The following UPF3A variants were observed in gnomAD, a reference collection of about 807,000 sequenced individuals.
The protein encoded by UPF3A is regulator of nonsense transcripts 3A.
Under a neutral mutation model 53.5 loss-of-function variants are expected in UPF3A, and 42 were observed. That is an observed-to-expected ratio of 0.78 (90% CI 0.61 to 1.01). The LOEUF is 1.01. Ranked by LOEUF, UPF3A falls within the 50% of genes least tolerant of loss-of-function variation. UPF3A has a pLI of 0.00. For missense variants in UPF3A, 575 were observed against 598.0 expected (o/e 0.96, Z 0.40); for synonymous variants, 237 against 225.3 (o/e 1.05, Z -0.47).
intron 7 of UPF3A, among the ~76,000 whole-genome samples, chr13:114,294,578 T>C (rs760213911): frequency 2.4e-4 from 36 of 152,206 alleles, no homozygotes; most frequent in Non-Finnish European, 4.9e-4. Context: ...AAGAGAAATA[T>C]GGTTTGGGAG....
chr13:114,293,751 A>C (rs1355899137), intron 7 of UPF3A, among the ~76,000 whole-genome samples: 1 of 152,198 alleles, frequency 6.6e-6, no homozygotes, highest in Non-Finnish European at 1.5e-5. Context: ...GGACTTGGGG[A>C]AAGAAGATAG....
chr13:114,301,759 A>C lies in UPF3A; in HGVS notation c.1036A>C (p.Arg346=), dbSNP rs767798245. The part of the protein sequence containing the change: ...TSHSGSDKEH[R]DVERSQEQES... ...ACACAGCGGCAGTGATAAAGAGCAC[A>C]GGGATGTGGAGAGATCTCAAGAACA... is the stretch of plus-strand genomic sequence containing the variant. The change falls in exon 9 of 10, where the codon AGG becomes CGG. Residue 346 remains arginine (R), a synonymous_variant. Transcript: ENST00000375299. 3.1e-6 allele frequency: 5 copies of C among 1,613,814 alleles called. No individual in the cohort carries two copies. The highest frequency in any genetic ancestry group is 4.2e-6 in the Non-Finnish European group (5 of 1,179,752).
chr13:114,298,451 A>C (rs972196892), intron 7 of UPF3A, among the ~76,000 whole-genome samples: 4 of 151,670 alleles, frequency 2.6e-5, no homozygotes, highest in African/African-American at 7.3e-5. Flanking sequence ...GAGGCAGGAG[A>C]ATCACTTGAA....
At chr13:114,290,395 T>C (rs1016955915) in intron 5 of UPF3A, among the ~76,000 whole-genome samples, 1 of 152,100 alleles carries the variant, frequency 6.6e-6, no homozygotes, top group African/African-American at 2.4e-5. Context: ...CCAGAGATGA[T>C]GTGTCAGTTT....
rs2084104110 is a variant in UPF3A at position 114,282,030 on chromosome 13, C to T, written c.217C>T (p.Arg73Cys). 3 of 1,557,594 alleles carry T rather than the reference C, an allele frequency of 1.9e-6. No homozygotes were observed. The highest frequency in any genetic ancestry group is 2.4e-5 in the East Asian group (1 of 41,600). The change falls in exon 2 of 10, where the codon CGC becomes TGC. Residue 73 changes from arginine to cysteine, a missense_variant. This residue lies in a region of UPF3A where 252 missense variants were observed against 182.7 expected (regional missense o/e 1.38). Transcript: ENST00000375299. Reference protein sequence around the residue: ...KRTALSKVVIRRLPPGLTKEQ... With the variant: ...KRTALSKVVICRLPPGLTKEQ... ...CGCGCGCTCCCCGCAGGTGGTCATC[C>T]GCCGCCTGCCTCCGGGCCTCACCAA...
Position 114,282,931 on chromosome 13 carries a change from C to CT in UPF3A, c.411dup (p.Asp138Ter). 6.2e-7 allele frequency: 1 copy of CT among 1,606,204 alleles called. No individual in the cohort carries two copies. The highest frequency in any genetic ancestry group is 8.5e-7 in the Non-Finnish European group (1 of 1,174,442). On this transcript the variant is annotated frameshift_variant, in exon 3 of 10. Transcript: ENST00000375299. LOFTEE classifies it high-confidence loss of function. ...AGATCGTTTTGATGGATATATCTTC[C>CT]TTGACAGCAAAGGTTGGATTATTGG...
chr13:114,287,812 CT>C lies in UPF3A; in HGVS notation c.631+1184del, dbSNP rs1024739816. Reference sequence around the variant, plus strand: ...TAGTCCGTTCACTTTCTTCATTTATCTAGTAATAAAGCTTTTTTTCCCCCCA... The same window carrying C: ...TAGTCCGTTCACTTTCTTCATTTATCAGTAATAAAGCTTTTTTTCCCCCCA... On this transcript the variant is annotated intron_variant, in intron 5 of 9. Coordinates refer to ENST00000375299, the MANE Select transcript of UPF3A (RefSeq NM_023011.4). Among the ~76,000 whole-genome samples, 28 of 152,182 alleles carry C rather than the reference CT, an allele frequency of 1.8e-4. 1 individual carries two copies. In the East Asian group the frequency reaches 5.4e-3, roughly 29 times the overall value.
In UPF3A at chr13:114,302,265, G is replaced by A. The variant is rs534615475; in HGVS notation, c.1302+240G>A. 2.5e-4 allele frequency among the ~76,000 whole-genome samples: 38 copies of A among 152,248 alleles called. No individual in the cohort carries two copies. In the South Asian group the frequency reaches 6.2e-3, roughly 25 times the overall value. ...ATTTTATTTAGTATAAAACTAGCAC[G>A]TTTATATGATTCACTTGAGAATAAG... is the stretch of plus-strand genomic sequence containing the variant. On this transcript the variant is annotated intron_variant, in intron 9 of 9. Coordinates refer to ENST00000375299, the MANE Select transcript of UPF3A (RefSeq NM_023011.4).
At chr13:114,291,889 C>A (rs1464251185) in intron 7 of UPF3A, 97 bp downstream of exon 7, 2 of 1,349,442 alleles carry the variant, frequency 1.5e-6, no homozygotes, top group South Asian at 1.5e-5. Flanking sequence ...TGAAAACATT[C>A]TGAATTAATC....
Position 114,305,446 on chromosome 13 carries a change from A to C in UPF3A, c.*529A>C, listed in dbSNP as rs2086938361. 1 of 196,732 alleles carries C rather than the reference A, an allele frequency of 5.1e-6. No homozygotes were observed. Among genetic ancestry groups the C allele is most frequent in the Admixed American group, 5.3e-5 (1 of 18,722 alleles). The allele number at this position is 196,732 out of a possible 1,614,324, so 12.2% of individuals were successfully genotyped here. A position where few individuals can be genotyped will look rare whatever the true frequency, so the allele number is the denominator to read the frequency against. ...TTTAGTCCTGGTAGGAATATTTATC[A>C]GAGTTCACACTATATAAAACCCAAC... On this transcript the variant is annotated 3_prime_UTR_variant, in exon 10 of 10. Transcript: ENST00000375299.
At chr13:114,286,214 T>G in intron 3 of UPF3A, 88 bp from the exon 4 acceptor site, 1 of 1,535,492 alleles carries the variant, frequency 6.5e-7, no homozygotes, top group Non-Finnish European at 8.9e-7. Context: ...TTGTTACACT[T>G]ACTCTTTAAG....
intron 7 of UPF3A, among the ~76,000 whole-genome samples, chr13:114,295,656 T>TTA: frequency 6.6e-6 from 1 of 152,282 alleles, no homozygotes; most frequent in East Asian, 1.9e-4. Context: ...CTACCTGAGG[T>TTA]TATCTTATTC....
chr13:114,297,425 A>G (rs1056651313), intron 7 of UPF3A, among the ~76,000 whole-genome samples: 9 of 152,238 alleles, frequency 5.9e-5, no homozygotes, highest in Non-Finnish European at 8.8e-5. Context: ...AGTAGGAAGC[A>G]GCCTTTTAAA....
chr13:114,292,058 A>G (rs1444623612), intron 7 of UPF3A, among the ~76,000 whole-genome samples: 1 of 147,212 alleles, frequency 6.8e-6, no homozygotes, highest in East Asian at 2.0e-4. Flanking sequence ...CAGGAGCCCC[A>G]CGCTGGCACA....
intron 2 of UPF3A, chr13:114,282,544 G>A: frequency 1.0e-6 from 1 of 985,452 alleles, no homozygotes; most frequent in Non-Finnish European, 1.2e-6. Context: ...AGTCAGGAGA[G>A]TCTCTCGGCG....
chr13:114,303,623 G>A (rs114680421), intron 9 of UPF3A, among the ~76,000 whole-genome samples: 2 of 151,802 alleles, frequency 1.3e-5, no homozygotes, highest in Non-Finnish European at 1.5e-5. Context: ...CCATCTCTAC[G>A]GAAAATACAA....
chr13:114,301,329 C>G (rs777862999), intron 8 of UPF3A, among the ~76,000 whole-genome samples: 2 of 151,788 alleles, frequency 1.3e-5, no homozygotes, highest in Middle Eastern at 3.4e-3. Context: ...CGGGCGTGGT[C>G]GCGGGCACCT....
At chr13:114,290,335 TG>T (rs1192706059) in intron 5 of UPF3A, among the ~76,000 whole-genome samples, 2 of 152,216 alleles carry the variant, frequency 1.3e-5, no homozygotes, top group African/African-American at 4.8e-5. Flanking sequence ...GATGGATCCC[TG>T]GCCAGGGCTT....
intron 2 of UPF3A, chr13:114,282,404 C>T (rs910262198): frequency 1.7e-6 from 2 of 1,206,502 alleles, no homozygotes; most frequent in African/African-American, 1.6e-5. Context: ...CGTTGCCCGC[C>T]CGGCGCCTCC....
Sources: allele counts gnomAD v4.1 joint callset (sites outside exome capture counted in the v4.1 genomes callset), GRCh38; gene constraint gnomAD v4.1.1; regional missense constraint gnomAD v4.1.1; transcripts MANE v1.5; gene names NCBI Gene and HGNC (gene_info 2026-07-23, HGNC 2026-07-21).